Variants in ATRNL1 observed in about 807,000 individuals in gnomAD.
ATRNL1 encodes the protein attractin-like protein 1.
Under a neutral mutation model 182.7 loss-of-function variants are expected in ATRNL1, and 95 were observed. The ratio of observed to expected loss-of-function variants is 0.52; its 90% CI spans 0.44 to 0.62. ATRNL1 has a LOEUF of 0.62. ATRNL1 is among the 20% of genes least tolerant of loss of function. The pLI is 0.00. For missense variants in ATRNL1, 1,471 were observed against 1,679.5 expected (o/e 0.88, Z 2.17); for synonymous variants, 576 against 568.3 (o/e 1.01, Z -0.19).
intron 28 of ATRNL1, among the ~76,000 whole-genome samples, chr10:115,907,135 A>G (rs543153577): frequency 6.6e-6 from 1 of 152,196 alleles, no homozygotes; most frequent in South Asian, 2.1e-4. Context: ...ACGTCTTCTA[A>G]GTGGTAGAGT....
At chr10:115,495,168 G>A (rs1281189435) in intron 24 of ATRNL1, among the ~76,000 whole-genome samples, 2 of 151,850 alleles carry the variant, frequency 1.3e-5, no homozygotes, top group African/African-American at 4.8e-5. Flanking sequence ...CTGTGGGAAT[G>A]GTTGTAGTGT....
At chr10:115,301,410 T>C (rs1554924422) in intron 16 of ATRNL1, among the ~76,000 whole-genome samples, 1 of 152,216 alleles carries the variant, frequency 6.6e-6, no homozygotes, top group African/African-American at 2.4e-5. Context: ...GTGATAAATA[T>C]TGTATCTTGT....
intron 25 of ATRNL1, among the ~76,000 whole-genome samples, chr10:115,526,991 A>G (rs1554986727): frequency 6.6e-6 from 1 of 152,134 alleles, no homozygotes; most frequent in African/African-American, 2.4e-5. Context: ...TGCCATGTTT[A>G]GTCCTTGACT....
Position 115,215,793 on chromosome 10 carries a change from A to G in ATRNL1, c.1445A>G (p.Tyr482Cys), listed in dbSNP as rs1265074690. 4 of 1,609,528 alleles carry G rather than the reference A, an allele frequency of 2.5e-6. No individual in the cohort carries two copies. Among genetic ancestry groups the G allele is most frequent in the Middle Eastern group, 1.7e-4 (1 of 6,040 alleles). The change falls in exon 9 of 29, where the codon TAT becomes TGT. Residue 482 changes from tyrosine to cysteine, a missense_variant. By Grantham distance (194) the Tyr-to-Cys change is radical. Transcript: ENST00000355044. ...SVYDEITKSIYVHGGYKALPG... is the reference protein window; with the variant it reads ...SVYDEITKSICVHGGYKALPG... ...TATGATGAAATAACAAAGTCCATTT[A>G]TGTTCATGGAGGGTATAAAGCATTG... is the stretch of plus-strand genomic sequence containing the variant.
chr10:115,202,792 G>T (rs1288160216), intron 8 of ATRNL1, among the ~76,000 whole-genome samples: 1 of 147,138 alleles, frequency 6.8e-6, no homozygotes, highest in Non-Finnish European at 1.5e-5. Context: ...GATTGGAATA[G>T]TTTCAGAAGG....
chr10:115,803,380 A>G (rs900746172), intron 27 of ATRNL1, among the ~76,000 whole-genome samples: 8 of 152,194 alleles, frequency 5.3e-5, no homozygotes, highest in African/African-American at 7.2e-5. Context: ...AAGGTAAATT[A>G]AGCCATTTCT....
intron 9 of ATRNL1, among the ~76,000 whole-genome samples, chr10:115,216,762 C>T (rs1247256787): frequency 6.6e-6 from 1 of 151,816 alleles, no homozygotes; most frequent in Non-Finnish European, 1.5e-5. Flanking sequence ...AGGAAATACA[C>T]AGGTTTCCAT....
chr10:115,500,667 G>C (rs1471854044), intron 24 of ATRNL1, among the ~76,000 whole-genome samples: 1 of 151,062 alleles, frequency 6.6e-6, no homozygotes, highest in Non-Finnish European at 1.5e-5. Flanking sequence ...CCAGCCTCCT[G>C]AGTAGCTGGG....
intron 9 of ATRNL1, among the ~76,000 whole-genome samples, chr10:115,236,446 A>G (rs1554901438): frequency 6.6e-6 from 1 of 152,144 alleles, no homozygotes; most frequent in African/African-American, 2.4e-5. Context: ...TTTCCATTTT[A>G]TGCTTCATAC....
chr10:115,151,551 C>T (rs1846230075), intron 5 of ATRNL1, among the ~76,000 whole-genome samples: 2 of 152,226 alleles, frequency 1.3e-5, no homozygotes, highest in African/African-American at 4.8e-5. Flanking sequence ...TATCCTTCGC[C>T]CACTTTTTGA....
intron 19 of ATRNL1, among the ~76,000 whole-genome samples, chr10:115,391,925 A>G (rs1844047474): frequency 6.6e-6 from 1 of 152,116 alleles, no homozygotes; most frequent in Middle Eastern, 3.4e-3. Context: ...AGTTATCTTC[A>G]TTTGCTAATG....
chr10:115,261,720 T>C lies in ATRNL1; in HGVS notation c.1688-3473T>C, dbSNP rs565154028. On this transcript the variant is annotated intron_variant, in intron 10 of 28. Transcript: ENST00000355044. Reference sequence around the variant, plus strand: ...TGTGAATAATATCACAGATATATACTATCAAAGATAATAAAAACTGAACAT... The same window carrying C: ...TGTGAATAATATCACAGATATATACCATCAAAGATAATAAAAACTGAACAT... 3.3e-5 allele frequency among the ~76,000 whole-genome samples: 5 copies of C among 152,250 alleles called. No homozygotes were observed. In the South Asian group the frequency reaches 1.0e-3, roughly 32 times the overall value.
At chr10:115,265,305 G>C in intron 11 of ATRNL1, 28 bp downstream of exon 11, 2 of 1,424,522 alleles carry the variant, frequency 1.4e-6, no homozygotes, top group Non-Finnish European at 2.0e-6. Flanking sequence ...CCAATTTTTA[G>C]AGGGTCACTT....
intron 24 of ATRNL1, among the ~76,000 whole-genome samples, chr10:115,483,786 T>C (rs897778283): frequency 1.3e-5 from 2 of 151,708 alleles, no homozygotes; most frequent in Non-Finnish European, 3.0e-5. Flanking sequence ...AAGCATTTTA[T>C]ATGCTAGGTC....
chr10:115,172,788 C>T lies in ATRNL1; in HGVS notation c.1348+1496C>T, dbSNP rs371817186. On this transcript the variant is annotated intron_variant, in intron 8 of 28. Coordinates refer to ENST00000355044, the MANE Select transcript of ATRNL1 (RefSeq NM_207303.4). Reference sequence around the variant, plus strand: ...TTTTAATCCATACTTCTAGCCCTACCCATACTTCTAAACGTACCTAGCTTT... The same window carrying T: ...TTTTAATCCATACTTCTAGCCCTACTCATACTTCTAAACGTACCTAGCTTT... 1.9e-4 allele frequency among the ~76,000 whole-genome samples: 29 copies of T among 151,764 alleles called. No individual in the cohort carries two copies. The South Asian group carries it at 6.0e-3, about 32-fold the overall frequency.
chr10:115,598,613 C>T (rs1856415868), intron 26 of ATRNL1, among the ~76,000 whole-genome samples: 1 of 151,906 alleles, frequency 6.6e-6, no homozygotes, highest in African/African-American at 2.4e-5. Context: ...CCACCTGCCT[C>T]AGCCTCTCAA....
At chr10:115,513,271 C>T (rs1554983108) in intron 24 of ATRNL1, among the ~76,000 whole-genome samples, 1 of 151,878 alleles carries the variant, frequency 6.6e-6, no homozygotes, top group Non-Finnish European at 1.5e-5. Flanking sequence ...TTTCTTTCTG[C>T]TCTCTGTATC....
chr10:115,422,758 A>C (rs1448072852), intron 20 of ATRNL1, among the ~76,000 whole-genome samples: 1 of 152,218 alleles, frequency 6.6e-6, no homozygotes, highest in Non-Finnish European at 1.5e-5. Context: ...TAAGTGAACT[A>C]ACACTGAAGG....
chr10:115,718,826 A>T (rs937117412), intron 26 of ATRNL1, among the ~76,000 whole-genome samples: 1 of 152,226 alleles, frequency 6.6e-6, no homozygotes, highest in Non-Finnish European at 1.5e-5. Context: ...TTCCTCCAAT[A>T]GCAGACTATA....
Sources: gnomAD v4.1 joint callset for allele counts (sites outside exome capture counted in the v4.1 genomes callset) on GRCh38, gnomAD v4.1.1 for gene constraint, MANE v1.5 for transcripts, NCBI Gene and HGNC (gene_info 2026-07-23, HGNC 2026-07-21) for gene names.